The following SAMD4A variants were observed in gnomAD, a reference collection of about 807,000 sequenced individuals.
The protein encoded by SAMD4A is protein Smaug homolog 1.
SAMD4A carries 33 observed loss-of-function variants against 81.3 expected under a neutral mutation model. The observed-to-expected ratio is 0.41, with a 90% CI of 0.31 to 0.54. The LOEUF is 0.54. Ranked by LOEUF, SAMD4A falls within the 20% of genes least tolerant of loss-of-function variation. The probability of loss-of-function intolerance (pLI) is 0.37; values close to 1 mark genes in which losing one functional copy is unlikely to be tolerated. For synonymous variants in SAMD4A, 389 were observed against 382.1 expected (o/e 1.02, Z -0.21); for missense variants, 854 against 951.1 (o/e 0.90, Z 1.34).
At chr14:54,721,098 A>T (rs979389155) in intron 3 of SAMD4A, among the ~76,000 whole-genome samples, 9 of 152,218 alleles carry the variant, frequency 5.9e-5, no homozygotes, top group Non-Finnish European at 2.9e-5. Context: ...CAGAGATAAC[A>T]TTCGCATAAA....
At chr14:54,762,309 A>G (rs2038420762) in intron 7 of SAMD4A, among the ~76,000 whole-genome samples, 1 of 152,212 alleles carries the variant, frequency 6.6e-6, no homozygotes, top group African/African-American at 2.4e-5. Flanking sequence ...GGAAGGGGAA[A>G]ACAATTTTTT....
Position 54,789,161 on chromosome 14 carries a change from G to T in SAMD4A, c.*217G>T. The T allele has an allele frequency of 3.3e-5, 15 of 448,944 alleles. No homozygotes were observed. Among genetic ancestry groups the T allele is most frequent in the East Asian group, 9.5e-5 (2 of 21,094 alleles). The allele number at this position is 448,944 out of a possible 1,614,324, so 27.8% of individuals were successfully genotyped here. Reference sequence around the variant, plus strand: ...ATTTTGTCATTTGTTTCTGTCATGGGATGGTTTGGTGTGTGGGGTGGGGAG... The same window carrying T: ...ATTTTGTCATTTGTTTCTGTCATGGTATGGTTTGGTGTGTGGGGTGGGGAG... On this transcript the variant is annotated 3_prime_UTR_variant, in exon 13 of 13. Coordinates refer to ENST00000554335, the MANE Select transcript of SAMD4A (RefSeq NM_015589.6).
At chr14:54,744,561 T>C (rs2037921810) in intron 4 of SAMD4A, among the ~76,000 whole-genome samples, 1 of 152,198 alleles carries the variant, frequency 6.6e-6, no homozygotes. Context: ...GATAAATCAG[T>C]GTGGACTTGC....
At chr14:54,776,374 G>C in intron 10 of SAMD4A, 40 bp from the exon 11 acceptor site, 1 of 1,575,760 alleles carries the variant, frequency 6.3e-7, no homozygotes, top group Admixed American at 1.9e-5. Context: ...CACCCCAGTG[G>C]GGCTGAACTA....
intron 2 of SAMD4A, among the ~76,000 whole-genome samples, chr14:54,594,481 A>C (rs1032941726): frequency 7.2e-5 from 11 of 152,176 alleles, no homozygotes; most frequent in Non-Finnish European, 4.4e-5. Flanking sequence ...GCATGTTCAG[A>C]CCTTTGAAGT....
intron 2 of SAMD4A, among the ~76,000 whole-genome samples, chr14:54,620,495 A>G (rs2034590550): frequency 3.9e-5 from 6 of 152,362 alleles, no homozygotes; most frequent in Middle Eastern, 3.4e-3. Context: ...CTGTAGACCC[A>G]GAAGATCTCC....
At chr14:54,616,556 G>A (rs1353521976) in intron 2 of SAMD4A, among the ~76,000 whole-genome samples, 1 of 152,160 alleles carries the variant, frequency 6.6e-6, no homozygotes, top group East Asian at 1.9e-4. Context: ...CCCCAAGCTG[G>A]CAAGGTGATA....
chr14:54,706,638 C>G (rs1316366221), intron 3 of SAMD4A, among the ~76,000 whole-genome samples: 4 of 150,454 alleles, frequency 2.7e-5, no homozygotes, highest in Non-Finnish European at 4.4e-5. Flanking sequence ...AGAAAAAAAC[C>G]AGGAAAGAAA....
intron 2 of SAMD4A, among the ~76,000 whole-genome samples, chr14:54,672,020 GTTTTTTTTT>G (rs56900347): frequency 2.4e-5 from 3 of 125,082 alleles, no homozygotes; most frequent in African/African-American, 9.2e-5. Flanking sequence ...TGTTTATAGT[GTTTTTTTTT>G]TTTTTTTTTT....
chr14:54,660,444 A>G (rs1483627084), intron 2 of SAMD4A, among the ~76,000 whole-genome samples: 1 of 152,210 alleles, frequency 6.6e-6, no homozygotes, highest in African/African-American at 2.4e-5. Flanking sequence ...TCAGTGTGCA[A>G]AGAGAAAGTT....
intron 2 of SAMD4A, among the ~76,000 whole-genome samples, chr14:54,579,979 A>G (rs1265925445): frequency 6.6e-6 from 1 of 152,252 alleles, no homozygotes; most frequent in Non-Finnish European, 1.5e-5. Context: ...TCAGAACATT[A>G]GTTTAGGAAA....
rs970079300 is a variant in SAMD4A at position 54,647,262 on chromosome 14, G to A, written c.197-54800G>A. Among the ~76,000 whole-genome samples the A allele has an allele frequency of 2.6e-5, 4 of 152,110 alleles. No homozygotes were observed. The East Asian group carries it at 7.7e-4, about 29-fold the overall frequency. On this transcript the variant is annotated intron_variant, in intron 2 of 12. Coordinates refer to ENST00000554335, the MANE Select transcript of SAMD4A (RefSeq NM_015589.6). ...TGAACCAACCATTGCTAATTGATTT[G>A]CAGGTGTCATCACGTTTAATCATCA...
chr14:54,581,900 T>C (rs192578310), intron 2 of SAMD4A, among the ~76,000 whole-genome samples: 1 of 152,250 alleles, frequency 6.6e-6, no homozygotes, highest in African/African-American at 2.4e-5. Flanking sequence ...TCTATAATAT[T>C]ATTTCCACTT....
Position 54,711,983 on chromosome 14 carries a change from A to G in SAMD4A, c.715+9403A>G, listed in dbSNP as rs552435642. Among the ~76,000 whole-genome samples, 17 of 152,252 alleles carry G rather than the reference A, an allele frequency of 1.1e-4. No individual in the cohort carries two copies. In the South Asian group the frequency reaches 1.2e-3, roughly 11 times the overall value. On this transcript the variant is annotated intron_variant, in intron 3 of 12. Coordinates refer to ENST00000554335, the MANE Select transcript of SAMD4A (RefSeq NM_015589.6). ...CTTCACCTTTTTTCACAAGGCCACAAACCGCTTCAAGTGCATTTCAGTCAG... is the reference window on the plus strand; with the variant it reads ...CTTCACCTTTTTTCACAAGGCCACAGACCGCTTCAAGTGCATTTCAGTCAG...
intron 6 of SAMD4A, among the ~76,000 whole-genome samples, chr14:54,753,661 T>TTA (rs1477440366): frequency 2.1e-5 from 3 of 143,936 alleles, no homozygotes; most frequent in Admixed American, 7.0e-5. Context: ...TGCATATATG[T>TTA]TATATATATA....
intron 2 of SAMD4A, among the ~76,000 whole-genome samples, chr14:54,634,691 G>T (rs1462431808): frequency 6.6e-6 from 1 of 151,802 alleles, no homozygotes; most frequent in Non-Finnish European, 1.5e-5. Context: ...TGTGTCCCAG[G>T]GGTTGGGGAC....
At chr14:54,785,497 C>T (rs2039116145) in intron 12 of SAMD4A, among the ~76,000 whole-genome samples, 1 of 152,202 alleles carries the variant, frequency 6.6e-6, no homozygotes, top group Admixed American at 6.5e-5. Context: ...GAGAGGCCTC[C>T]TGTGAGCCTT....
At chr14:54,729,412 G>A (rs1040341505) in intron 3 of SAMD4A, among the ~76,000 whole-genome samples, 6 of 151,976 alleles carry the variant, frequency 3.9e-5, no homozygotes, top group Admixed American at 2.0e-4. Flanking sequence ...CTACTATCTC[G>A]CTTCTCTACA....
intron 2 of SAMD4A, among the ~76,000 whole-genome samples, chr14:54,655,898 A>G (rs2035509319): frequency 6.6e-6 from 1 of 152,198 alleles, no homozygotes; most frequent in African/African-American, 2.4e-5. Context: ...TATTTGCCTC[A>G]TAGGTTTGTT....
Sources: allele counts gnomAD v4.1 joint callset (sites outside exome capture counted in the v4.1 genomes callset), GRCh38; gene constraint gnomAD v4.1.1; transcripts MANE v1.5; gene names NCBI Gene and HGNC (gene_info 2026-07-23, HGNC 2026-07-21).